The following IQCM variants were observed in gnomAD, a reference collection of about 807,000 sequenced individuals.
IQCM encodes the protein IQ domain-containing protein M.
Under a neutral mutation model 57.6 loss-of-function variants are expected in IQCM, and 45 were observed. That is an observed-to-expected ratio of 0.78 (90% CI 0.62 to 1.00). The LOEUF is 1.00. Among genes scored for constraint, IQCM ranks in the 50% least tolerant of loss-of-function variants. The probability of loss-of-function intolerance (pLI) is 0.00; values close to 1 mark genes in which losing one functional copy is unlikely to be tolerated. For synonymous variants in IQCM, 148 were observed against 158.9 expected, an observed-to-expected ratio of 0.93 and a Z score of 0.51; for missense variants, 468 against 511.6, an observed-to-expected ratio of 0.91 and a Z score of 0.82.
intron 13 of IQCM, among the ~76,000 whole-genome samples, chr4:149,392,484 A>G (rs1400282418): frequency 6.6e-6 from 1 of 152,018 alleles, no homozygotes; most frequent in East Asian, 1.9e-4. Context: ...GTCCACGGGG[A>G]AAAGGAAATG....
chr4:149,788,591 G>A (rs1772293070), intron 2 of IQCM, among the ~76,000 whole-genome samples: 1 of 152,088 alleles, frequency 6.6e-6, no homozygotes, highest in African/African-American at 2.4e-5. Flanking sequence ...TATGGAGATT[G>A]CTCAAAAAAT....
intron 7 of IQCM, among the ~76,000 whole-genome samples, chr4:149,637,353 C>G (rs1757820655): frequency 6.6e-6 from 1 of 151,896 alleles, no homozygotes; most frequent in Non-Finnish European, 1.5e-5. Flanking sequence ...TACACTCAAA[C>G]TATAGAACAT....
intron 7 of IQCM, among the ~76,000 whole-genome samples, chr4:149,628,999 C>T (rs1043462289): frequency 2.7e-4 from 41 of 152,268 alleles, no homozygotes; most frequent in Admixed American, 1.2e-3. Context: ...TACACCAATG[C>T]TCTGAAAATT....
chr4:149,458,268 A>C (rs549742067), intron 12 of IQCM, among the ~76,000 whole-genome samples: 1 of 152,068 alleles, frequency 6.6e-6, no homozygotes, highest in Non-Finnish European at 1.5e-5. Context: ...ACACCAACAA[A>C]GAATGTAAAA....
intron 13 of IQCM, among the ~76,000 whole-genome samples, chr4:149,407,676 A>G (rs1733081934): frequency 6.6e-6 from 1 of 152,136 alleles, no homozygotes; most frequent in African/African-American, 2.4e-5. Context: ...CCTGAGTTGT[A>G]TTACATAGTG....
rs148267545 is a variant in IQCM at position 149,784,137 on chromosome 4, A to G, written c.-49+31174T>C. 3.7e-3 allele frequency among the ~76,000 whole-genome samples: 559 copies of G among 152,304 alleles called. 1 individual carries two copies. The highest frequency in any genetic ancestry group is 5.4e-3 in the Non-Finnish European group (369 of 68,032). On this transcript the variant is annotated intron_variant, in intron 2 of 13. Coordinates refer to ENST00000636793, the MANE Select transcript of IQCM (RefSeq NM_001363507.2). ...TGTATTACACAGCAATAGAAAACTA[A>G]TATTTCCTCCAATGGCTTTCCGTCT...
At chr4:149,769,306 G>A (rs180908465) in intron 2 of IQCM, among the ~76,000 whole-genome samples, 50 of 151,978 alleles carry the variant, frequency 3.3e-4, no homozygotes, top group Admixed American at 6.6e-5. Context: ...GGACATATCC[G>A]CCCCCAAGGT....
chr4:149,486,165 A>G (rs1221131015), intron 12 of IQCM, among the ~76,000 whole-genome samples: 1 of 152,004 alleles, frequency 6.6e-6, no homozygotes, highest in Non-Finnish European at 1.5e-5. Flanking sequence ...CCTGAAGCCA[A>G]CACAGCACTT....
chr4:149,549,382 G>A (rs1046462184), intron 11 of IQCM, among the ~76,000 whole-genome samples: 6 of 151,442 alleles, frequency 4.0e-5, no homozygotes, highest in Non-Finnish European at 7.4e-5. Context: ...GCCGGGCGTA[G>A]TGGCGGGCGC....
intron 13 of IQCM, among the ~76,000 whole-genome samples, chr4:149,421,509 T>A (rs1413016866): frequency 6.6e-6 from 1 of 152,046 alleles, no homozygotes; most frequent in Non-Finnish European, 1.5e-5. Flanking sequence ...GCCACAAAGA[T>A]AAATTATTTT....
chr4:149,550,938 C>T (rs938753364), intron 11 of IQCM, among the ~76,000 whole-genome samples: 1 of 152,196 alleles, frequency 6.6e-6, no homozygotes, highest in Admixed American at 6.5e-5. Context: ...TCTGTCCTAA[C>T]TGGACTCCTT....
intron 12 of IQCM, among the ~76,000 whole-genome samples, chr4:149,450,623 G>A (rs1203350774): frequency 6.6e-6 from 1 of 151,708 alleles, no homozygotes; most frequent in East Asian, 1.9e-4. Context: ...CAACATCAGT[G>A]ATCATCAGAG....
chr4:149,542,588 T>C (rs1228201579), intron 12 of IQCM, among the ~76,000 whole-genome samples: 1 of 152,046 alleles, frequency 6.6e-6, no homozygotes, highest in African/African-American at 2.4e-5. Flanking sequence ...TCCCCTCCTC[T>C]AGCATATAGA....
At chr4:149,494,804 C>T (rs1212029944) in intron 12 of IQCM, among the ~76,000 whole-genome samples, 2 of 152,046 alleles carry the variant, frequency 1.3e-5, no homozygotes, top group African/African-American at 4.8e-5. Context: ...ATAAGGGGAA[C>T]ATATATTATT....
At position 149,675,303 on chromosome 4, in the gene IQCM, G is replaced by A. The variant is rs188894828; in HGVS notation, c.565+6815C>T. Among the ~76,000 whole-genome samples, 179 of 152,058 alleles carry A rather than the reference G, an allele frequency of 1.2e-3. 1 individual carries two copies. The Middle Eastern group carries it at 0.014, about 12-fold the overall frequency. On this transcript the variant is annotated intron_variant, in intron 7 of 13. Transcript: ENST00000636793. ...GTTTGATGACATGAGATTCAAAGCT[G>A]AGCATGCTAGGGAAGACAAAGGGAG...
At chr4:149,546,630 G>GT (rs1195316445) in intron 12 of IQCM, among the ~76,000 whole-genome samples, 2 of 152,160 alleles carry the variant, frequency 1.3e-5, no homozygotes, top group African/African-American at 4.8e-5. Flanking sequence ...TTTGAGAAGT[G>GT]TCTGCTCATA....
At chr4:149,446,951 T>C (rs1736577568) in intron 12 of IQCM, among the ~76,000 whole-genome samples, 1 of 151,566 alleles carries the variant, frequency 6.6e-6, no homozygotes, top group African/African-American at 2.4e-5. Context: ...ATTTATTTAT[T>C]GAACAATTAT....
chr4:149,587,983 G>C lies in IQCM; in HGVS notation c.696C>G (p.Thr232=). 8.2e-7 allele frequency: 1 copy of C among 1,221,228 alleles called. No homozygotes were observed. The highest frequency in any genetic ancestry group is 1.0e-6 in the Non-Finnish European group (1 of 978,826). The allele number at this position is 1,221,228 out of a possible 1,614,324, so 75.6% of individuals were successfully genotyped here. A position where few individuals can be genotyped will look rare whatever the true frequency, so the allele number is the denominator to read the frequency against. Residue 232 remains threonine, a synonymous_variant, in exon 9 of 14, where the codon ACC becomes ACG. Coordinates refer to ENST00000636793, the MANE Select transcript of IQCM (RefSeq NM_001363507.2). ...FRDYYSKTFK[T]LIKKERQPIK... is the part of the protein sequence containing the mutation. ...TAGGTTGTCGCTCCTTTTTAATAAG[G>C]GTTTTAAAGGTTTTCTATAATAAGG...
intron 8 of IQCM, among the ~76,000 whole-genome samples, chr4:149,612,289 G>C (rs1320258004): frequency 6.6e-6 from 1 of 152,062 alleles, no homozygotes; most frequent in African/African-American, 2.4e-5. Context: ...CTACTCTTTT[G>C]GCAATTATGA....
Sources: gnomAD v4.1 joint callset for allele counts (sites outside exome capture counted in the v4.1 genomes callset) on GRCh38, gnomAD v4.1.1 for gene constraint, MANE v1.5 for transcripts, NCBI Gene and HGNC (gene_info 2026-07-23, HGNC 2026-07-21) for gene names.